Variants in PLAC8L1 observed in about 807,000 individuals in gnomAD.
PLAC8L1 encodes the protein PLAC8-like protein 1.
Under a neutral mutation model 16.3 loss-of-function variants are expected in PLAC8L1, and 13 were observed. The ratio of observed to expected loss-of-function variants is 0.80; its 90% confidence interval spans 0.52 to 1.27. The LOEUF is 1.27. PLAC8L1 is among the 50% of genes most tolerant of loss of function. PLAC8L1 has a pLI of 0.00. For missense variants in PLAC8L1, 184 were observed against 220.2 expected (o/e 0.84, Z 1.04); for synonymous variants, 78 against 79.3 (o/e 0.98, Z 0.09).
intron 1 of PLAC8L1, among the ~76,000 whole-genome samples, chr5:146,099,793 A>T (rs1054884007): frequency 6.6e-6 from 1 of 152,140 alleles, no homozygotes; most frequent in Non-Finnish European, 1.5e-5. Flanking sequence ...CATCTTGGAA[A>T]CAGCTGTGGA....
At chr5:146,089,655 T>C (rs892362458) in intron 2 of PLAC8L1, among the ~76,000 whole-genome samples, 3 of 152,060 alleles carry the variant, frequency 2.0e-5, no homozygotes, top group Non-Finnish European at 4.4e-5. Flanking sequence ...TAGTTGTGGA[T>C]TGGTGTGCTA....
chr5:146,090,528 G>A (rs568893374), intron 2 of PLAC8L1, among the ~76,000 whole-genome samples: 4 of 139,404 alleles, frequency 2.9e-5, no homozygotes, highest in East Asian at 2.0e-4. Context: ...GAATGAGACC[G>A]TCTCAAAAAA....
intron 2 of PLAC8L1, among the ~76,000 whole-genome samples, chr5:146,091,704 A>G (rs1358654274): frequency 1.3e-5 from 2 of 152,142 alleles, no homozygotes; most frequent in African/African-American, 2.4e-5. Flanking sequence ...CTAGAGGCTG[A>G]GGCAAGAGGA....
chr5:146,103,564 A>T, intron 1 of PLAC8L1: 1 of 792,684 alleles, frequency 1.3e-6, no homozygotes, highest in Non-Finnish European at 1.5e-6. Context: ...TAGTGCTAAA[A>T]CCAGTACAGT....
chr5:146,087,504 TTTTG>T (rs1356537394), intron 2 of PLAC8L1, among the ~76,000 whole-genome samples: 2 of 152,204 alleles, frequency 1.3e-5, no homozygotes, highest in African/African-American at 2.4e-5. Flanking sequence ...GACAGTTATA[TTTTG>T]TTTATTTATT....
intron 3 of PLAC8L1, among the ~76,000 whole-genome samples, chr5:146,085,060 T>C (rs1436021781): frequency 7.1e-6 from 1 of 140,946 alleles, no homozygotes; most frequent in Non-Finnish European, 1.6e-5. Context: ...AACATATACA[T>C]ATATAGTCTT....
intron 2 of PLAC8L1, among the ~76,000 whole-genome samples, chr5:146,087,897 G>C (rs1295977706): frequency 1.3e-5 from 2 of 152,266 alleles, no homozygotes; most frequent in South Asian, 2.1e-4. Flanking sequence ...AAGAGGAAGA[G>C]AGCAAAGGCG....
intron 2 of PLAC8L1, among the ~76,000 whole-genome samples, chr5:146,087,357 T>A (rs1426693400): frequency 6.6e-6 from 1 of 152,202 alleles, no homozygotes; most frequent in African/African-American, 2.4e-5. Flanking sequence ...CACAGGCGTA[T>A]GTTTTTATTT....
At chr5:146,095,394 C>T (rs924355004) in intron 2 of PLAC8L1, among the ~76,000 whole-genome samples, 2 of 152,110 alleles carry the variant, frequency 1.3e-5, no homozygotes, top group African/African-American at 4.8e-5. Context: ...AGCGTTGATG[C>T]GGGTTGAGAG....
At chr5:146,098,422 C>T in intron 1 of PLAC8L1, 130 bp from the exon 2 acceptor site, 1 of 795,034 alleles carries the variant, frequency 1.3e-6, no homozygotes, top group Non-Finnish European at 1.8e-6. Context: ...CCCAAATCGA[C>T]TTTGCCATCT....
At chr5:146,101,100 C>T (rs752649318) in intron 1 of PLAC8L1, among the ~76,000 whole-genome samples, 4 of 148,222 alleles carry the variant, frequency 2.7e-5, no homozygotes, top group African/African-American at 2.5e-5. Context: ...GGGAAGCTAA[C>T]GTAGAAGGAT....
chr5:146,084,772 C>T (rs2150032573), intron 3 of PLAC8L1, among the ~76,000 whole-genome samples, 200 bp from the exon 4 acceptor site: 1 of 152,362 alleles, frequency 6.6e-6, no homozygotes, highest in South Asian at 2.1e-4. Context: ...ATTCAGAGCG[C>T]TGCCCTTAGG....
At chr5:146,089,426 T>C (rs1477737179) in intron 2 of PLAC8L1, among the ~76,000 whole-genome samples, 2 of 152,182 alleles carry the variant, frequency 1.3e-5, no homozygotes, top group African/African-American at 4.8e-5. Flanking sequence ...TATTAACTCA[T>C]TTAATCTTTG....
At chr5:146,097,879 C>T (rs1000877212) in intron 2 of PLAC8L1, among the ~76,000 whole-genome samples, 2 of 152,208 alleles carry the variant, frequency 1.3e-5, no homozygotes, top group Admixed American at 1.3e-4. Flanking sequence ...TACACTCCCA[C>T]CAGCAGTGGA....
chr5:146,103,264 A>G, intron 1 of PLAC8L1, among the ~76,000 whole-genome samples: 1 of 152,132 alleles, frequency 6.6e-6, no homozygotes, highest in East Asian at 1.9e-4. Context: ...GGTTCAACCA[A>G]TTCTCCTGCC....
At chr5:146,100,852 G>A (rs1000082081) in intron 1 of PLAC8L1, among the ~76,000 whole-genome samples, 1 of 152,150 alleles carries the variant, frequency 6.6e-6, no homozygotes, top group Admixed American at 6.5e-5. Flanking sequence ...AGGGCACTTA[G>A]GAAGTAATGA....
In PLAC8L1 at chr5:146,104,960, T is replaced by C. The variant is rs995050393; in HGVS notation, c.-649A>G. 3.3e-5 allele frequency among the ~76,000 whole-genome samples: 5 copies of C among 152,212 alleles called. No individual in the cohort carries two copies. The highest frequency in any genetic ancestry group is 7.3e-5 in the Non-Finnish European group (5 of 68,032). On this transcript the variant is annotated 5_prime_UTR_variant, in exon 1 of 4. An upstream open reading frame in the 5' UTR loses its in-frame stop. Transcript: ENST00000311450. ...TGCCAGGAAAGTGGCATTTCTTTCC[T>C]ACCCAGTCCAGACGGAATCTAGTAA...
chr5:146,085,100 C>CT (rs5871956), intron 3 of PLAC8L1, among the ~76,000 whole-genome samples: 33,287 of 148,154 alleles, frequency 0.22, 4,631 homozygotes, highest in Admixed American at 0.34. Flanking sequence ...CTGTGCCTTA[C>CT]TTTTTTTTTT....
At chr5:146,097,101 C>T (rs1469986093) in intron 2 of PLAC8L1, among the ~76,000 whole-genome samples, 1 of 152,200 alleles carries the variant, frequency 6.6e-6, no homozygotes, top group East Asian at 1.9e-4. Context: ...CACACATACC[C>T]TCCCCCTCCT....
Sources: gnomAD v4.1 joint callset for allele counts (sites outside exome capture counted in the v4.1 genomes callset) on GRCh38, gnomAD v4.1.1 for gene constraint, MANE v1.5 for transcripts, NCBI Gene and HGNC (gene_info 2026-07-23, HGNC 2026-07-21) for gene names.